PROSER1: variants seen among roughly 807,000 people sequenced by gnomAD.
PROSER1 encodes proline and serine-rich protein 1.
Under a neutral mutation model 71.8 loss-of-function variants are expected in PROSER1, and 36 were observed. The ratio of observed to expected loss-of-function variants is 0.50; its 90% CI spans 0.38 to 0.66. PROSER1 has a LOEUF of 0.66. Among genes scored for constraint, PROSER1 ranks in the 30% least tolerant of loss-of-function variants. PROSER1 has a pLI of 0.00. For synonymous variants in PROSER1, 490 were observed against 452.4 expected (o/e 1.08, Z -1.06); for missense variants, 1,107 against 1,135.0 (o/e 0.98, Z 0.35).
chr13:39,016,135 C>T (rs1469562272), intron 10 of PROSER1, among the ~76,000 whole-genome samples: 1 of 152,118 alleles, frequency 6.6e-6, no homozygotes, highest in Non-Finnish European at 1.5e-5. Flanking sequence ...AATCATAGCA[C>T]TTGCAGGTAA....
intron 5 of PROSER1, 22 bp downstream of exon 5, chr13:39,028,205 A>C (rs770322275): frequency 7.6e-6 from 10 of 1,322,964 alleles, no homozygotes; most frequent in Non-Finnish European, 9.8e-6. Context: ...TACCAAGTAC[A>C]TGACAATCTT....
In PROSER1 at chr13:39,013,382, G is replaced by C; in HGVS notation, c.1870C>G (p.His624Asp). 3 of 1,614,200 alleles carry C rather than the reference G, an allele frequency of 1.9e-6. No homozygotes were observed. The highest frequency in any genetic ancestry group is 2.5e-6 in the Non-Finnish European group (3 of 1,180,036). ...GTGCCATGAGAGGGATTCCCAGAAT[G>C]AGATGGACCTTTGAAGGCCGAGGGA... ...PTPSAFKGPSHSGNPSHGTLG... is the reference protein window; with the variant it reads ...PTPSAFKGPSDSGNPSHGTLG... Residue 624 changes from histidine (H) to aspartate (D), a missense_variant, in exon 11 of 13, where the codon CAT becomes GAT. Physicochemically the swap from His to Asp is moderately conservative, Grantham distance 81 (BLOSUM62 -1). Coordinates refer to ENST00000352251, the MANE Select transcript of PROSER1 (RefSeq NM_025138.5).
At chr13:39,023,599 T>C (rs189900756) in intron 7 of PROSER1, 443 of 154,044 alleles carry the variant, frequency 2.9e-3, no homozygotes, top group Middle Eastern at 0.01. Context: ...AAAAAAGCAC[T>C]GTTTGCGTTA....
At position 39,013,512 on chromosome 13, in the gene PROSER1, G is replaced by A. The variant is rs775757245; in HGVS notation, c.1740C>T (p.Ser580=). The A allele has an allele frequency of 1.9e-6, 3 of 1,614,124 alleles. No homozygotes were observed. Among genetic ancestry groups the A allele is most frequent in the Non-Finnish European group, 2.5e-6 (3 of 1,180,022 alleles). ...SVPVSCGSSA[S]LLRGPHPGTS... ...TACCTGGGTGGGGGCCACGCAAAAG[G>A]GAGGCTGAGGAGCCACAGCTAACTG... The change falls in exon 11 of 13, where the codon TCC becomes TCT. Residue 580 remains serine, a synonymous_variant. Coordinates refer to ENST00000352251, the MANE Select transcript of PROSER1 (RefSeq NM_025138.5).
intron 6 of PROSER1, among the ~76,000 whole-genome samples, chr13:39,024,904 T>C (rs1870473119): frequency 6.6e-6 from 1 of 152,168 alleles, no homozygotes; most frequent in African/African-American, 2.4e-5. Flanking sequence ...TAAAACAGCA[T>C]AGTATTTGCA....
rs778471841 is a variant in PROSER1 at position 39,013,943 on chromosome 13, G to GT, written c.1308dup (p.Pro437ThrfsTer44). 1.2e-6 allele frequency: 2 copies of GT among 1,614,168 alleles called. No individual in the cohort carries two copies. Among genetic ancestry groups the GT allele is most frequent in the Non-Finnish European group, 8.5e-7 (1 of 1,180,024 alleles). Reference sequence around the variant, plus strand: ...TTGGATAGGCCTTGGGATGTTGGTGGTAAGGGCAAAGGGAGCCCTGCAAAA... The same window carrying GT: ...TTGGATAGGCCTTGGGATGTTGGTGGTTAAGGGCAAAGGGAGCCCTGCAAAA... On this transcript the variant is annotated frameshift_variant, in exon 11 of 13. Transcript: ENST00000352251. LOFTEE classifies it high-confidence loss of function.
intron 9 of PROSER1, among the ~76,000 whole-genome samples, chr13:39,019,516 C>CAAAAAA (rs1183602451): frequency 2.4e-5 from 1 of 40,828 alleles, no homozygotes; most frequent in Non-Finnish European, 4.9e-5. Flanking sequence ...AACTCTGTCT[C>CAAAAAA]AAAAAAAAAA....
chr13:39,018,299 C>T (rs1342844698), intron 9 of PROSER1, among the ~76,000 whole-genome samples: 3 of 152,176 alleles, frequency 2.0e-5, no homozygotes, highest in Non-Finnish European at 1.5e-5. Flanking sequence ...AATAACTGCC[C>T]AAGAAACCAA....
chr13:39,034,149 T>G lies in PROSER1; in HGVS notation c.93A>C (p.Gly31=). 1 of 1,584,108 alleles carries G rather than the reference T, an allele frequency of 6.3e-7. No individual in the cohort carries two copies. Among genetic ancestry groups the G allele is most frequent in the Non-Finnish European group, 8.6e-7 (1 of 1,168,784 alleles). ...GGAATACCTGTTCACTAGAAAAGTA[T>G]CCATGCACATATTCAATTGCTTTTA... ...YKLKAIEYVH[G]YFSSEQVVDL... Residue 31 remains glycine, a synonymous_variant, in exon 2 of 13, where the codon GGA becomes GGC. Coordinates refer to ENST00000352251, the MANE Select transcript of PROSER1 (RefSeq NM_025138.5).
intron 1 of PROSER1, among the ~76,000 whole-genome samples, chr13:39,036,334 T>G (rs1389166702): frequency 6.6e-6 from 1 of 152,152 alleles, no homozygotes; most frequent in Admixed American, 6.5e-5. Flanking sequence ...AGAGACAATT[T>G]TAATAATAGC....
rs3834942 is a variant in PROSER1 at position 39,010,163 on chromosome 13, T to TAA, written c.*1201_*1202insTT. On this transcript the variant is annotated 3_prime_UTR_variant, in exon 13 of 13. Coordinates refer to ENST00000352251, the MANE Select transcript of PROSER1 (RefSeq NM_025138.5). ...AAACACAGAATATTTGTCATATCCA[T>TAA]AGTTTATTTTAAAAAACTGTTAAAA... 30,852 of 152,520 alleles carry TAA rather than the reference T, an allele frequency of 0.2. 3,660 individuals are homozygous for TAA. The highest frequency in any genetic ancestry group is 0.33 in the African/African-American group (13,794 of 41,470). The allele number at this position is 152,520 out of a possible 1,614,324, so 9.4% of individuals were successfully genotyped here. A position where few individuals can be genotyped will look rare whatever the true frequency, so the allele number is the denominator to read the frequency against.
chr13:39,014,083 A>G lies in PROSER1; in HGVS notation c.1169T>C (p.Leu390Pro). 1 of 1,614,214 alleles carries G rather than the reference A, an allele frequency of 6.2e-7. No homozygotes were observed. The highest frequency in any genetic ancestry group is 8.5e-7 in the Non-Finnish European group (1 of 1,180,038). The change falls in exon 11 of 13, where the codon CTT becomes CCT. Residue 390 changes from leucine (L) to proline (P), a missense_variant. Transcript: ENST00000352251. ...PTPGPTPRSTLGSSEAFASTS... is the reference protein window; with the variant it reads ...PTPGPTPRSTPGSSEAFASTS... ...AGAAGCAAATGCTTCACTGGAACCA[A>G]GAGTGGACCGTGGTGTAGGTCCTGG...
chr13:39,023,659 T>C (rs1467394581), intron 7 of PROSER1: 1 of 152,708 alleles, frequency 6.5e-6, no homozygotes, highest in Non-Finnish European at 1.5e-5. Context: ...GAATCAGGAA[T>C]TCAGTATGTT....
In PROSER1 at chr13:39,037,811, C is replaced by G. The variant is rs561659770; in HGVS notation, c.-569G>C. 1.3e-5 allele frequency: 2 copies of G among 152,332 alleles called. No individual in the cohort carries two copies. Among genetic ancestry groups the G allele is most frequent in the African/African-American group, 4.8e-5 (2 of 41,458 alleles). 9.4% of individuals were successfully genotyped at this position (152,332 alleles called of 1,614,324 possible). A position where few individuals can be genotyped will look rare whatever the true frequency, so the allele number is the denominator to read the frequency against. On this transcript the variant is annotated 5_prime_UTR_variant, in exon 1 of 13. Transcript: ENST00000352251. ...TCATCCCCAGCCGCTCCGCCCGACTCCTGGATACCTCGGCCCCGGCAGCAG... is the reference window on the plus strand; with the variant it reads ...TCATCCCCAGCCGCTCCGCCCGACTGCTGGATACCTCGGCCCCGGCAGCAG...
chr13:39,017,247 C>T (rs938993755), intron 10 of PROSER1, among the ~76,000 whole-genome samples: 2 of 152,198 alleles, frequency 1.3e-5, no homozygotes, highest in African/African-American at 4.8e-5. Flanking sequence ...GCAGTACTTA[C>T]ATTACACTGC....
Position 39,013,464 on chromosome 13 carries a change from A to T in PROSER1, c.1788T>A (p.Ser596=). 1 of 1,614,120 alleles carries T rather than the reference A, an allele frequency of 6.2e-7. No homozygotes were observed. The highest frequency in any genetic ancestry group is 8.5e-7 in the Non-Finnish European group (1 of 1,180,016). ...CAGGAAGAGTTGTTGCAGCAGGGGT[A>T]GATGAAATATGCAGATCTGAGGTAC... ...HPGTSDLHIS[S]TPAATTLPVM... is the part of the protein sequence containing the mutation. The change falls in exon 11 of 13, where the codon TCT becomes TCA. Residue 596 remains serine, a synonymous_variant. Transcript: ENST00000352251.
Position 39,009,887 on chromosome 13 carries a change from G to A in PROSER1, c.*1478C>T, listed in dbSNP as rs1309985779. On this transcript the variant is annotated 3_prime_UTR_variant, in exon 13 of 13. Transcript: ENST00000352251. ...ATATAATCTTAAAAGAAGTTTTATG[G>A]GTATAGATTTAAGAAAAACAAATGG... is the stretch of plus-strand genomic sequence containing the variant. The A allele has an allele frequency of 6.6e-6, 1 of 152,466 alleles. No individual in the cohort carries two copies. The highest frequency in any genetic ancestry group is 2.4e-5 in the African/African-American group (1 of 41,402). 9.4% of individuals were successfully genotyped at this position (152,466 alleles called of 1,614,324 possible). A position where few individuals can be genotyped will look rare whatever the true frequency, so the allele number is the denominator to read the frequency against.
At chr13:39,019,673 G>C (rs1056010915) in intron 9 of PROSER1, among the ~76,000 whole-genome samples, 1 of 151,612 alleles carries the variant, frequency 6.6e-6, no homozygotes, top group African/African-American at 2.4e-5. Flanking sequence ...GTCAAGGAGA[G>C]AACAGTTGTT....
chr13:39,017,354 C>T, intron 10 of PROSER1, 146 bp downstream of exon 10: 2 of 628,684 alleles, frequency 3.2e-6, no homozygotes, highest in Non-Finnish European at 5.5e-6. Flanking sequence ...ACTAGTAAAC[C>T]ACTTTTAACA....
Sources: gnomAD v4.1 joint callset for allele counts (sites outside exome capture counted in the v4.1 genomes callset) on GRCh38, gnomAD v4.1.1 for gene constraint, MANE v1.5 for transcripts, NCBI Gene and HGNC (gene_info 2026-07-23, HGNC 2026-07-21) for gene names.